The following RARB variants were observed in gnomAD, a reference collection of about 807,000 sequenced individuals.
RARB encodes the protein HBV-activated protein.
Under a neutral mutation model 51.9 loss-of-function variants are expected in RARB, and 17 were observed. The observed-to-expected ratio is 0.33, with a 90% CI of 0.22 to 0.49. The LOEUF (loss-of-function observed/expected upper bound fraction) is 0.49, where lower values mean the gene tolerates loss of function less well. RARB is among the 20% of genes least tolerant of loss of function. RARB has a pLI of 0.99. For synonymous variants in RARB, 215 were observed against 195.4 expected, an observed-to-expected ratio of 1.10 and a Z score of -0.84; for missense variants, 369 against 550.8, an observed-to-expected ratio of 0.67 and a Z score of 3.30.
intron 2 of RARB, among the ~76,000 whole-genome samples, chr3:24,980,221 C>A (rs1344859687): frequency 3.3e-5 from 5 of 152,148 alleles, no homozygotes; most frequent in Non-Finnish European, 7.3e-5. Context: ...TTCATTTCAA[C>A]CTTGGTGAAT....
chr3:24,878,668 A>G (rs1703097844), intron 2 of RARB, among the ~76,000 whole-genome samples: 2 of 152,172 alleles, frequency 1.3e-5, no homozygotes, highest in Non-Finnish European at 2.9e-5. Context: ...CCTAATTGTG[A>G]TAACCAAAAG....
chr3:25,428,219 A>C, upstream of RARB: 13 of 1,229,514 alleles, frequency 1.1e-5, no homozygotes, highest in Non-Finnish European at 1.3e-5. Flanking sequence ...GGGTTCACCG[A>C]AAGTTCACTC....
intron 5 of RARB, among the ~76,000 whole-genome samples, chr3:25,419,692 G>A (rs577514333): frequency 6.6e-6 from 1 of 152,310 alleles, no homozygotes; most frequent in East Asian, 1.9e-4. Flanking sequence ...CTCTGGGTGT[G>A]AAGCCCTGGA....
At chr3:25,389,227 C>T (rs1706879646) in intron 5 of RARB, among the ~76,000 whole-genome samples, 1 of 152,110 alleles carries the variant, frequency 6.6e-6, no homozygotes, top group Non-Finnish European at 1.5e-5. Flanking sequence ...TCAGGTCACC[C>T]ACAACCTTAC....
At chr3:25,138,229 A>T (rs1281530745) in intron 4 of RARB, among the ~76,000 whole-genome samples, 1 of 152,162 alleles carries the variant, frequency 6.6e-6, no homozygotes. Context: ...TTACCACTGT[A>T]CATAGATGAA....
intron 2 of RARB, among the ~76,000 whole-genome samples, chr3:24,988,488 C>T (rs1262316821): frequency 6.6e-6 from 1 of 152,088 alleles, no homozygotes; most frequent in East Asian, 1.9e-4. Flanking sequence ...GAAGATTTAT[C>T]CAATCTCATT....
intron 5 of RARB, among the ~76,000 whole-genome samples, chr3:25,194,506 G>GAT (rs549578396): frequency 4.7e-5 from 7 of 149,732 alleles, no homozygotes; most frequent in Middle Eastern, 3.6e-3. Flanking sequence ...CACACATAGT[G>GAT]ATATATATAT....
intron 2 of RARB, among the ~76,000 whole-genome samples, chr3:25,497,325 C>T (rs563863244): frequency 1.2e-3 from 184 of 152,348 alleles, no homozygotes; most frequent in Non-Finnish European, 2.3e-3. Context: ...TAAAAGCCCT[C>T]ATGATGGTGT....
chr3:24,932,820 A>G (rs1695469061), intron 2 of RARB, among the ~76,000 whole-genome samples: 1 of 152,128 alleles, frequency 6.6e-6, no homozygotes, highest in African/African-American at 2.4e-5. Context: ...GAAAACTACC[A>G]CACTGACTTA....
intron 2 of RARB, among the ~76,000 whole-genome samples, chr3:25,007,600 A>AAAAAAAAAAAAAAAAAACAAAAC (rs1342393781): frequency 7.0e-6 from 1 of 143,346 alleles, no homozygotes; most frequent in African/African-American, 2.7e-5. Flanking sequence ...CTCAAAAAAA[A>AAAAAAAAAAAAAAAAAACAAAAC]AAAACAAAAA....
intron 1 of RARB, among the ~76,000 whole-genome samples, chr3:24,857,511 G>A (rs2125339560): frequency 6.6e-6 from 1 of 152,326 alleles, no homozygotes; most frequent in South Asian, 2.1e-4. Context: ...TTACATGGTA[G>A]ATACACGTAT....
intron 4 of RARB, among the ~76,000 whole-genome samples, chr3:25,573,558 C>T (rs936367191): frequency 2.0e-5 from 3 of 152,354 alleles, no homozygotes; most frequent in Non-Finnish European, 4.4e-5. Context: ...TTTGTACTAT[C>T]TCTCCCCAGA....
Position 25,482,521 on chromosome 3 carries a change from A to ATTTTTTTTTTTTTTTTTTTT in RARB, c.307-18644_307-18625dup, listed in dbSNP as rs71087718. 4.6e-5 allele frequency among the ~76,000 whole-genome samples: 3 copies of ATTTTTTTTTTTTTTTTTTTT among 65,786 alleles called. 1 individual carries two copies. The highest frequency in any genetic ancestry group is 2.1e-4 in the African/African-American group (3 of 14,280). The allele number at this position is 65,786 out of a possible 152,430, so 43.2% of individuals were successfully genotyped here. On this transcript the variant is annotated intron_variant, in intron 2 of 7. Transcript: ENST00000330688. ...TAACTTTAAATTTTCTAGCAGCCAA[A>ATTTTTTTTTTTTTTTTTTTT]TTTTTTTTTTTTTTTTTTTTTTTTT...
At chr3:25,484,577 GA>G (rs545949779) in intron 2 of RARB, among the ~76,000 whole-genome samples, 31 of 150,002 alleles carry the variant, frequency 2.1e-4, no homozygotes, top group South Asian at 6.4e-4. Context: ...TTAAATGCTT[GA>G]AAAAAAAATT....
At chr3:25,378,432 C>T (rs1376582955) in intron 5 of RARB, among the ~76,000 whole-genome samples, 1 of 152,278 alleles carries the variant, frequency 6.6e-6, no homozygotes, top group South Asian at 2.1e-4. Flanking sequence ...GGACCATTGG[C>T]TTCATCCTAT....
At chr3:24,964,055 T>C (rs1696201598) in intron 2 of RARB, among the ~76,000 whole-genome samples, 2 of 152,274 alleles carry the variant, frequency 1.3e-5, no homozygotes, top group South Asian at 4.1e-4. Flanking sequence ...TTTTTCATTC[T>C]CCTTGTTTTT....
intron 3 of RARB, among the ~76,000 whole-genome samples, chr3:25,535,156 G>A (rs925974780): frequency 1.1e-4 from 16 of 152,176 alleles, no homozygotes; most frequent in African/African-American, 3.9e-4. Flanking sequence ...TGTTCTGTTG[G>A]TTACTTAATT....
chr3:25,595,926 C>T (rs536207504), intron 7 of RARB, among the ~76,000 whole-genome samples: 1 of 152,274 alleles, frequency 6.6e-6, no homozygotes, highest in African/African-American at 2.4e-5. Flanking sequence ...ACTAAGACAT[C>T]ATATTTAAAC....
intron 5 of RARB, among the ~76,000 whole-genome samples, chr3:25,357,603 T>A (rs762664853): frequency 2.0e-5 from 3 of 152,218 alleles, no homozygotes; most frequent in African/African-American, 7.2e-5. Context: ...ATGTCCTGAA[T>A]GGTGTTGCCT....
Sources: allele counts gnomAD v4.1 joint callset (sites outside exome capture counted in the v4.1 genomes callset), GRCh38; gene constraint gnomAD v4.1.1; transcripts MANE v1.5; gene names NCBI Gene and HGNC (gene_info 2026-07-23, HGNC 2026-07-21).